The following CDH4 variants were observed in gnomAD, a reference collection of about 807,000 sequenced individuals.
The protein encoded by CDH4 is cadherin 4.
A neutral mutation model predicts 86.0 loss-of-function variants in CDH4; 33 were observed. That is an observed-to-expected ratio of 0.38 (90% confidence interval 0.29 to 0.51). The LOEUF is 0.51. Ranked by LOEUF, CDH4 falls within the 20% of genes least tolerant of loss-of-function variation. The pLI is 0.86. For missense variants in CDH4, 1,114 were observed against 1,307.4 expected, an observed-to-expected ratio of 0.85 and a Z score of 2.28; for synonymous variants, 555 against 549.4, an observed-to-expected ratio of 1.01 and a Z score of -0.14.
chr20:61,398,424 G>A (rs535739586), intron 2 of CDH4, among the ~76,000 whole-genome samples: 19 of 152,238 alleles, frequency 1.2e-4, no homozygotes, highest in Non-Finnish European at 2.1e-4. Flanking sequence ...CATCGGATGT[G>A]TATACACAGA....
At chr20:61,659,161 G>A (rs184354953) in intron 2 of CDH4, among the ~76,000 whole-genome samples, 4 of 152,320 alleles carry the variant, frequency 2.6e-5, no homozygotes, top group Admixed American at 2.6e-4. Context: ...AGGAAGGAGG[G>A]CCTGGGACAC....
At chr20:61,522,683 C>T (rs943505849) in intron 2 of CDH4, among the ~76,000 whole-genome samples, 3 of 152,208 alleles carry the variant, frequency 2.0e-5, no homozygotes, top group Non-Finnish European at 4.4e-5. Context: ...TGGGAGCCAG[C>T]GCTGCCCTTG....
At chr20:61,750,703 T>C (rs1035251104) in intron 3 of CDH4, among the ~76,000 whole-genome samples, 25 of 152,212 alleles carry the variant, frequency 1.6e-4, no homozygotes, top group African/African-American at 5.8e-4. Context: ...CTGACATTAT[T>C]TGTAGCTTAT....
At chr20:61,527,281 C>T (rs2085918079) in intron 2 of CDH4, among the ~76,000 whole-genome samples, 1 of 151,552 alleles carries the variant, frequency 6.6e-6, no homozygotes, top group Non-Finnish European at 1.5e-5. Context: ...GGCAGAGTCT[C>T]ACTCTGTTGC....
At chr20:61,384,467 T>C (rs2084940658) in intron 2 of CDH4, among the ~76,000 whole-genome samples, 1 of 152,218 alleles carries the variant, frequency 6.6e-6, no homozygotes, top group African/African-American at 2.4e-5. Context: ...GCATTTACTG[T>C]GCTGCTGTCC....
At chr20:61,400,377 G>A (rs931370423) in intron 2 of CDH4, among the ~76,000 whole-genome samples, 2 of 152,160 alleles carry the variant, frequency 1.3e-5, no homozygotes, top group African/African-American at 4.8e-5. Context: ...GATCTGAGGT[G>A]GAAAGTGATG....
Position 61,929,661 on chromosome 20 carries a change from T to C in CDH4, c.2058T>C (p.Tyr686=), listed in dbSNP as rs969935488. The change falls in exon 13 of 16, where the codon TAT becomes TAC. Residue 686 remains tyrosine (Y), a synonymous_variant. Transcript: ENST00000614565. The part of the protein sequence containing the change: ...LRILYLEAGM[Y]DVPIIVTDSG... Reference sequence around the variant, plus strand: ...TCCTGTACCTGGAGGCCGGGATGTATGACGTCCCCATCATCGTCACAGACT... The same window carrying C: ...TCCTGTACCTGGAGGCCGGGATGTACGACGTCCCCATCATCGTCACAGACT... 6.2e-7 allele frequency: 1 copy of C among 1,614,034 alleles called. No homozygotes were observed. The highest frequency in any genetic ancestry group is 8.5e-7 in the Non-Finnish European group (1 of 1,180,046).
intron 2 of CDH4, among the ~76,000 whole-genome samples, chr20:61,387,311 T>C (rs1242981334): frequency 7.6e-6 from 1 of 131,000 alleles, no homozygotes; most frequent in African/African-American, 2.9e-5. Flanking sequence ...CACATACATA[T>C]ACACACAGCC....
At chr20:61,670,678 C>G (rs921492920) in intron 2 of CDH4, among the ~76,000 whole-genome samples, 1 of 152,186 alleles carries the variant, frequency 6.6e-6, no homozygotes, top group African/African-American at 2.4e-5. Flanking sequence ...TCAGGAAAAG[C>G]AAAATCAAAG....
chr20:61,472,206 T>C (rs1411337687), intron 2 of CDH4, among the ~76,000 whole-genome samples: 1 of 152,238 alleles, frequency 6.6e-6, no homozygotes, highest in Non-Finnish European at 1.5e-5. Context: ...CATATGTATT[T>C]ATAATTGTTA....
At chr20:61,819,852 C>G (rs907740739) in intron 4 of CDH4, among the ~76,000 whole-genome samples, 4 of 152,194 alleles carry the variant, frequency 2.6e-5, no homozygotes, top group Admixed American at 6.5e-5. Context: ...GGTTATTTAG[C>G]TGTTATTGTT....
Position 61,501,640 on chromosome 20 carries a change from C to G in CDH4, c.170-241923C>G, listed in dbSNP as rs1328542565. The stretch of plus-strand genomic sequence containing the variant: ...GAGCTGTGGTGAGACTCAAAGGCCA[C>G]ACAGAAGCAGCGTGTTCCGGAAAGC... On this transcript the variant is annotated intron_variant, in intron 2 of 15. Transcript: ENST00000614565. This position sits in a 1 kb window ranked among gnomAD's most constrained non-coding sequence, Gnocchi z 4.2. Among the ~76,000 whole-genome samples the G allele has an allele frequency of 1.3e-5, 2 of 152,148 alleles. No individual in the cohort carries two copies. Among genetic ancestry groups the G allele is most frequent in the Non-Finnish European group, 2.9e-5 (2 of 68,032 alleles).
intron 2 of CDH4, among the ~76,000 whole-genome samples, chr20:61,339,771 G>T (rs1426050340): frequency 1.3e-5 from 2 of 152,160 alleles, no homozygotes; most frequent in East Asian, 3.9e-4. Context: ...TCAGTTCCCT[G>T]CAGGCATCGC....
chr20:61,695,849 A>G (rs1306999630), intron 2 of CDH4, among the ~76,000 whole-genome samples: 1 of 152,142 alleles, frequency 6.6e-6, no homozygotes, highest in Non-Finnish European at 1.5e-5. Context: ...GCTTTGCCCC[A>G]GTGACTTGGC....
intron 10 of CDH4, among the ~76,000 whole-genome samples, chr20:61,924,002 C>CT (rs1192128584): frequency 8.5e-5 from 13 of 152,348 alleles, no homozygotes; most frequent in African/African-American, 3.1e-4. Flanking sequence ...CAGCAACCTC[C>CT]TGCCCTCTCT....
intron 4 of CDH4, among the ~76,000 whole-genome samples, chr20:61,797,383 G>A (rs141539383): frequency 2.6e-5 from 4 of 152,346 alleles, no homozygotes; most frequent in South Asian, 2.1e-4. Context: ...GGAGGTAAGC[G>A]TTGGATCTGG....
intron 2 of CDH4, among the ~76,000 whole-genome samples, chr20:61,498,069 A>AG (rs1434855623): frequency 1.9e-5 from 1 of 53,280 alleles, no homozygotes; most frequent in Non-Finnish European, 3.3e-5. Context: ...GGGTGGGGGG[A>AG]GGGGGGAGGG....
chr20:61,773,466 C>A (rs2088802627), intron 4 of CDH4, among the ~76,000 whole-genome samples: 1 of 152,100 alleles, frequency 6.6e-6, no homozygotes, highest in Non-Finnish European at 1.5e-5. Context: ...GGGCGTGGGT[C>A]GTGGCCTTTG....
chr20:61,280,612 G>A (rs2084253622), intron 2 of CDH4, among the ~76,000 whole-genome samples: 1 of 152,244 alleles, frequency 6.6e-6, no homozygotes, highest in Admixed American at 6.5e-5. Context: ...CACAAGGCTG[G>A]GGTAGTGATA....
Sources: gnomAD v4.1 joint callset for allele counts (sites outside exome capture counted in the v4.1 genomes callset) on GRCh38, gnomAD v4.1.1 for gene constraint, Gnocchi (gnomAD v3.1) non-coding constraint, MANE v1.5 for transcripts, NCBI Gene and HGNC (gene_info 2026-07-23, HGNC 2026-07-21) for gene names.